SP140: variants seen among roughly 807,000 people sequenced by gnomAD.
The protein encoded by SP140 is nuclear body protein SP140.
In SP140, 81 loss-of-function variants were observed where a neutral mutation model predicts 125.0. The ratio of observed to expected loss-of-function variants is 0.65; its 90% CI spans 0.54 to 0.78. The LOEUF is 0.78. Ranked by LOEUF, SP140 falls within the 30% of genes least tolerant of loss-of-function variation. SP140 has a pLI of 0.00. For missense variants in SP140, 858 were observed against 1,037.0 expected, an observed-to-expected ratio of 0.83 and a Z score of 2.37; for synonymous variants, 312 against 354.0, an observed-to-expected ratio of 0.88 and a Z score of 1.33.
At chr2:230,210,483 G>A (rs188697183) in intron 1 of SP140, among the ~76,000 whole-genome samples, 7 of 152,288 alleles carry the variant, frequency 4.6e-5, no homozygotes, top group African/African-American at 1.2e-4. Flanking sequence ...TTGCTTTGAC[G>A]TCTATGTGTG....
intron 7 of SP140, 22 bp downstream of exon 7, chr2:230,245,962 G>A (rs902936242): frequency 6.8e-7 from 1 of 1,464,338 alleles, no homozygotes; most frequent in African/African-American, 1.4e-5. Flanking sequence ...TTAAATTAAA[G>A]CTTTATTTTT....
At chr2:230,213,119 G>T in intron 1 of SP140, 1 of 1,261,942 alleles carries the variant, frequency 7.9e-7, no homozygotes, top group Non-Finnish European at 1.1e-6. Flanking sequence ...CCAATAGGAT[G>T]GGGGCATGGA....
chr2:230,199,749 T>C (rs80289620), upstream of SP140, among the ~76,000 whole-genome samples: 7,281 of 152,240 alleles, frequency 0.048, 246 homozygotes, highest in Non-Finnish European at 0.07. Flanking sequence ...AGAGAGTTTA[T>C]TTCCATTATC....
intron 15 of SP140, among the ~76,000 whole-genome samples, chr2:230,278,910 G>A (rs2055115198): frequency 6.6e-6 from 1 of 152,044 alleles, no homozygotes; most frequent in Non-Finnish European, 1.5e-5. Context: ...GTCTCTGTTT[G>A]CAGGTGACAT....
chr2:230,273,003 C>T (rs2054169539), intron 15 of SP140, among the ~76,000 whole-genome samples: 1 of 152,080 alleles, frequency 6.6e-6, no homozygotes, highest in African/African-American at 2.4e-5. Flanking sequence ...GGAAGATGAC[C>T]TAGGCAATAC....
At chr2:230,262,026 T>G (rs2052351813) in intron 12 of SP140, among the ~76,000 whole-genome samples, 4 of 152,200 alleles carry the variant, frequency 2.6e-5, no homozygotes, top group Admixed American at 2.0e-4. Flanking sequence ...TCAAAAGGAT[T>G]GGTACCAATT....
chr2:230,278,228 A>G lies in SP140; in HGVS notation c.1499-6118A>G, dbSNP rs187042395. On this transcript the variant is annotated intron_variant, in intron 15 of 26. Coordinates refer to ENST00000392045, the MANE Select transcript of SP140 (RefSeq NM_007237.5). The stretch of plus-strand genomic sequence containing the variant: ...GGTTTTGAGTTACAATTCTCTCATG[A>G]TTAGTAATGTTGATTGCTTTTTTTA... 1.8e-3 allele frequency among the ~76,000 whole-genome samples: 269 copies of G among 152,206 alleles called. 3 individuals are homozygous for G. Among genetic ancestry groups the G allele is most frequent in the Non-Finnish European group, 1.6e-3 (110 of 67,970 alleles).
intron 12 of SP140, among the ~76,000 whole-genome samples, chr2:230,259,771 CATATATAT>C (rs745848625): frequency 9.3e-5 from 8 of 85,904 alleles, no homozygotes; most frequent in South Asian, 4.1e-4. Context: ...AGTATTCCAT[CATATATAT>C]ATATATATAT....
At chr2:230,190,196 C>T in the SP140 span, among the ~76,000 whole-genome samples, 13 of 152,212 alleles carry the variant, frequency 8.5e-5, no homozygotes, top group African/African-American at 2.9e-4. Flanking sequence ...CCTATTTCTC[C>T]ACAGCCTCAC....
At chr2:230,290,357 G>A in intron 18 of SP140, 103 bp from the exon 19 acceptor site, 2 of 1,059,538 alleles carry the variant, frequency 1.9e-6, no homozygotes, top group Non-Finnish European at 2.8e-6. Context: ...TTTTGGAATA[G>A]AATTTCCTAA....
intron 3 of SP140, among the ~76,000 whole-genome samples, chr2:230,216,315 G>C (rs193082852): frequency 3.8e-4 from 58 of 152,318 alleles, no homozygotes; most frequent in Non-Finnish European, 6.2e-4. Flanking sequence ...CTAAATCCAA[G>C]TGTCCTCAGA....
chr2:230,253,931 C>T (rs2050758555), intron 11 of SP140, among the ~76,000 whole-genome samples: 1 of 152,060 alleles, frequency 6.6e-6, no homozygotes, highest in Non-Finnish European at 1.5e-5. Flanking sequence ...ACTTTTCCAA[C>T]CTGGGAGAAG....
Position 230,238,214 on chromosome 2 carries a change from A to G in SP140, c.239A>G (p.His80Arg). 1 of 1,587,588 alleles carries G rather than the reference A, an allele frequency of 6.3e-7. No individual in the cohort carries two copies. The highest frequency in any genetic ancestry group is 8.6e-7 in the Non-Finnish European group (1 of 1,168,766). Residue 80 changes from histidine to arginine, a missense_variant and splice_region_variant, in exon 3 of 27, where the codon CAT becomes CGT. Transcript: ENST00000392045. ...RSFISEQMYE[H>R]FQEAFRNLVP... The stretch of plus-strand genomic sequence containing the variant: ...AATTCTCCATTTAATATTTTTAAGC[A>G]TTTTCAAGAAGCTTTTAGAAACCTG...
At chr2:230,242,641 C>T (rs975522600) in intron 4 of SP140, among the ~76,000 whole-genome samples, 3 of 152,082 alleles carry the variant, frequency 2.0e-5, no homozygotes, top group East Asian at 3.9e-4. Context: ...CAAGTTAGAT[C>T]GAACTCCTCT....
chr2:230,239,130 C>A (rs933484062), intron 3 of SP140: 134 of 1,019,336 alleles, frequency 1.3e-4, no homozygotes, highest in Non-Finnish European at 1.7e-4. Flanking sequence ...GAATACTATA[C>A]CTTGATTCAA....
chr2:230,221,915 A>AT (rs2045852148), upstream of SP140: 1 of 623,104 alleles, frequency 1.6e-6, no homozygotes, highest in African/African-American at 1.8e-5. Context: ...TGAGGATGAA[A>AT]GATGTTTATT....
At chr2:230,292,213 A>G (rs1296150808) in intron 19 of SP140, among the ~76,000 whole-genome samples, 1 of 152,240 alleles carries the variant, frequency 6.6e-6, no homozygotes, top group African/African-American at 2.4e-5. Flanking sequence ...CCTGAGCCAC[A>G]GGGCACCCAT....
At chr2:230,244,498 G>C (rs1015826226) in intron 5 of SP140, among the ~76,000 whole-genome samples, 1 of 152,160 alleles carries the variant, frequency 6.6e-6, no homozygotes, top group Non-Finnish European at 1.5e-5. Context: ...GAGGCCTGCA[G>C]GTTCTTAGGG....
intron 21 of SP140, among the ~76,000 whole-genome samples, chr2:230,295,354 G>T (rs1225353245): frequency 6.6e-6 from 1 of 152,212 alleles, no homozygotes; most frequent in Admixed American, 6.5e-5. Context: ...TTCAGCCACT[G>T]AGACATTTCA....
Sources: gnomAD v4.1 joint callset for allele counts (sites outside exome capture counted in the v4.1 genomes callset) on GRCh38, gnomAD v4.1.1 for gene constraint, MANE v1.5 for transcripts, NCBI Gene and HGNC (gene_info 2026-07-23, HGNC 2026-07-21) for gene names.